The following TBCK variants were observed in gnomAD, a reference collection of about 807,000 sequenced individuals.
TBCK encodes TBC1 domain containing kinase.
TBCK carries 99 observed loss-of-function variants against 113.4 expected under a neutral mutation model. The observed-to-expected ratio is 0.87, with a 90% confidence interval of 0.74 to 1.03. The LOEUF is 1.03. Ranked by LOEUF, TBCK falls within the 50% of genes least tolerant of loss-of-function variation. The pLI, the probability that TBCK is intolerant of heterozygous loss-of-function variation, is 0.00. For synonymous variants in TBCK, 369 were observed against 370.8 expected (o/e 1.00, Z 0.05); for missense variants, 1,045 against 1,061.3 (o/e 0.98, Z 0.21).
intron 2 of TBCK, among the ~76,000 whole-genome samples, chr4:106,300,914 A>C (rs1766867594): frequency 6.6e-6 from 1 of 152,186 alleles, no homozygotes; most frequent in Admixed American, 6.5e-5. Context: ...CAGCTTGGGC[A>C]ATATAGTGAG....
intron 25 of TBCK, among the ~76,000 whole-genome samples, chr4:106,058,272 C>A (rs192237268): frequency 6.6e-6 from 1 of 151,650 alleles, no homozygotes; most frequent in South Asian, 2.1e-4. Context: ...GTGCCTTGTA[C>A]GAGAAAGCCT....
intron 25 of TBCK, among the ~76,000 whole-genome samples, chr4:106,093,287 A>C (rs1047966651): frequency 6.6e-6 from 1 of 152,214 alleles, no homozygotes; most frequent in Non-Finnish European, 1.5e-5. Flanking sequence ...CGGGCAGATC[A>C]CTAGGTCAGG....
rs754993262 is a variant in TBCK at position 106,194,710 on chromosome 4, A to G, written c.1897+8T>C. ...AATATCAAAAAAACCGGGGGAAGTC[A>G]TACTTACGAGTAAACATGGTAAGAA... On this transcript the variant is annotated splice_region_variant and intron_variant, in intron 21 of 25. Coordinates refer to ENST00000394708, the MANE Select transcript of TBCK (RefSeq NM_001163435.3). 2 of 1,594,214 alleles carry G rather than the reference A, an allele frequency of 1.3e-6. No homozygotes were observed. Among genetic ancestry groups the G allele is most frequent in the Non-Finnish European group, 1.7e-6 (2 of 1,172,938 alleles).
rs1477377254 is a variant in TBCK, at chr4:106,116,321, C to T, written c.2293G>A (p.Ala765Thr). The T allele has an allele frequency of 6.2e-7, 1 of 1,613,592 alleles. No homozygotes were observed. The highest frequency in any genetic ancestry group is 8.5e-7 in the Non-Finnish European group (1 of 1,179,956). The change falls in exon 24 of 26, where the codon GCA becomes ACA. Residue 765 changes from alanine to threonine, a missense_variant. Transcript: ENST00000394708. ...LKSEVSPRIS[A>T]EDLIDLCELT... is the part of the protein sequence containing the mutation. ...TCACACAAGTCAATCAGGTCCTCTG[C>T]TGAAATCCGTGGTGATACTTCTGAC...
intron 24 of TBCK, among the ~76,000 whole-genome samples, chr4:106,100,009 T>C (rs896510933): frequency 2.0e-5 from 3 of 152,190 alleles, no homozygotes; most frequent in Non-Finnish European, 4.4e-5. Context: ...CTGTTACCAA[T>C]ATGTTTTCTA....
In TBCK at chr4:106,289,609, A is replaced by G. The variant is rs555177127; in HGVS notation, c.266+5485T>C. 9.9e-5 allele frequency among the ~76,000 whole-genome samples: 15 copies of G among 151,964 alleles called. No individual in the cohort carries two copies. In the East Asian group the frequency reaches 2.9e-3, roughly 30 times the overall value. On this transcript the variant is annotated intron_variant, in intron 3 of 25. Transcript: ENST00000394708. ...TATGGTGAAACCCCATCTCTACTAA[A>G]AATACAAAAATTACCCAGGCATGGT...
chr4:106,306,019 T>G (rs554706985), intron 2 of TBCK, among the ~76,000 whole-genome samples: 26 of 152,092 alleles, frequency 1.7e-4, no homozygotes, highest in Non-Finnish European at 3.4e-4. Flanking sequence ...ATTCCTTCAC[T>G]TTCCTAACAA....
At chr4:106,226,038 C>A (rs750205274) in intron 19 of TBCK, among the ~76,000 whole-genome samples, 1 of 151,924 alleles carries the variant, frequency 6.6e-6, no homozygotes, top group Non-Finnish European at 1.5e-5. Context: ...GTGATGCATG[C>A]CTGTAGTCTC....
chr4:106,149,964 G>C (rs1426740193), intron 23 of TBCK, among the ~76,000 whole-genome samples: 1 of 152,158 alleles, frequency 6.6e-6, no homozygotes, highest in Non-Finnish European at 1.5e-5. Flanking sequence ...TAACTTTTTT[G>C]AGTCCTGGAT....
intron 20 of TBCK, among the ~76,000 whole-genome samples, chr4:106,199,904 T>C (rs1031863642): frequency 4.6e-5 from 7 of 152,226 alleles, no homozygotes; most frequent in African/African-American, 1.7e-4. Flanking sequence ...TTTCTCAGCA[T>C]AGCAGCCAGA....
chr4:106,221,812 T>C (rs901917644), intron 19 of TBCK, among the ~76,000 whole-genome samples: 4 of 152,096 alleles, frequency 2.6e-5, no homozygotes, highest in Non-Finnish European at 4.4e-5. Flanking sequence ...CCAGGACCGC[T>C]TGAGGGAGGA....
At position 106,248,913 on chromosome 4, in the gene TBCK, T is replaced by A; in HGVS notation, c.720+8A>T. 18 of 1,598,754 alleles carry A rather than the reference T, an allele frequency of 1.1e-5. No homozygotes were observed. Among genetic ancestry groups the A allele is most frequent in the Non-Finnish European group, 1.5e-5 (18 of 1,174,678 alleles). ...ACAAATGGACTAAGACCCAGATTAA[T>A]GACAAACCTTTATAATGTCCAAACA... On this transcript the variant is annotated splice_region_variant and intron_variant, in intron 8 of 25. Transcript: ENST00000394708.
At chr4:106,125,878 G>A (rs991211816) in intron 23 of TBCK, among the ~76,000 whole-genome samples, 2 of 152,160 alleles carry the variant, frequency 1.3e-5, no homozygotes, top group African/African-American at 4.8e-5. Context: ...AATTTATTGT[G>A]TATTTCAAAA....
chr4:106,079,497 T>A lies in TBCK; in HGVS notation c.2571+15985A>T, dbSNP rs141357457. ...CACAAAATAAATGTACAAAAATAAG[T>A]AGCATTTCTATATATCATTAGCATT... On this transcript the variant is annotated intron_variant, in intron 25 of 25. Coordinates refer to ENST00000394708, the MANE Select transcript of TBCK (RefSeq NM_001163435.3). Among the ~76,000 whole-genome samples, 4 of 152,264 alleles carry A rather than the reference T, an allele frequency of 2.6e-5. No individual in the cohort carries two copies. The East Asian group carries it at 7.7e-4, about 29-fold the overall frequency.
At chr4:106,083,329 G>A (rs1315345130) in intron 25 of TBCK, among the ~76,000 whole-genome samples, 2 of 151,102 alleles carry the variant, frequency 1.3e-5, no homozygotes, top group Non-Finnish European at 3.0e-5. Flanking sequence ...TGCGGCCAAA[G>A]TGCCTTTTCA....
intron 23 of TBCK, among the ~76,000 whole-genome samples, chr4:106,118,937 A>G (rs939801244): frequency 3.3e-5 from 5 of 152,236 alleles, no homozygotes; most frequent in Admixed American, 2.0e-4. Flanking sequence ...ATGTGTAAAG[A>G]ACTTTAATGT....
At chr4:106,268,116 T>C (rs1763152304) in intron 3 of TBCK, among the ~76,000 whole-genome samples, 1 of 152,074 alleles carries the variant, frequency 6.6e-6, no homozygotes, top group African/African-American at 2.4e-5. Flanking sequence ...GTCCCTGTTC[T>C]CTAAGCCTCC....
chr4:106,243,380 G>C (rs1052571553), intron 11 of TBCK, among the ~76,000 whole-genome samples: 1 of 152,032 alleles, frequency 6.6e-6, no homozygotes, highest in Admixed American at 6.6e-5. Context: ...CCTCATAGAA[G>C]AAAGGATATT....
At chr4:106,291,688 A>G (rs1765728665) in intron 3 of TBCK, among the ~76,000 whole-genome samples, 1 of 152,256 alleles carries the variant, frequency 6.6e-6, no homozygotes, top group African/African-American at 2.4e-5. Context: ...GACTAACTAC[A>G]TAGCTAAAGC....
Sources: gnomAD v4.1 joint callset for allele counts (sites outside exome capture counted in the v4.1 genomes callset) on GRCh38, gnomAD v4.1.1 for gene constraint, MANE v1.5 for transcripts, NCBI Gene and HGNC (gene_info 2026-07-23, HGNC 2026-07-21) for gene names.